The following MGAT4C variants were observed in gnomAD, a reference collection of about 807,000 sequenced individuals.
MGAT4C encodes MGAT4 family member C.
MGAT4C carries 19 observed loss-of-function variants against 40.1 expected under a neutral mutation model. That is an observed-to-expected ratio of 0.47 (90% CI 0.33 to 0.70). MGAT4C has a LOEUF of 0.70. Among genes scored for constraint, MGAT4C ranks in the 30% least tolerant of loss-of-function variants. The pLI is 0.02. For synonymous variants in MGAT4C, 181 were observed against 187.1 expected (o/e 0.97, Z 0.27); for missense variants, 491 against 563.2 (o/e 0.87, Z 1.30).
chr12:86,100,207 T>C (rs1874722111), intron 1 of MGAT4C, among the ~76,000 whole-genome samples: 1 of 151,488 alleles, frequency 6.6e-6, no homozygotes, highest in Non-Finnish European at 1.5e-5. Context: ...TTCAGGTTTA[T>C]TACTGTTACA....
chr12:86,624,030 C>T (rs1962721675), intron 2 of MGAT4C, among the ~76,000 whole-genome samples: 1 of 152,094 alleles, frequency 6.6e-6, no homozygotes, highest in East Asian at 1.9e-4. Context: ...CTACAAATGT[C>T]CCATTTATGA....
chr12:86,421,874 C>T (rs986366271), intron 3 of MGAT4C, among the ~76,000 whole-genome samples: 1 of 151,988 alleles, frequency 6.6e-6, no homozygotes, highest in Admixed American at 6.6e-5. Flanking sequence ...GGTATATGAT[C>T]AAGGAAATAA....
At chr12:86,749,290 CTCT>C (rs761441338) in intron 1 of MGAT4C, among the ~76,000 whole-genome samples, 2 of 151,458 alleles carry the variant, frequency 1.3e-5, no homozygotes, top group Non-Finnish European at 3.0e-5. Flanking sequence ...AATATGCAAC[CTCT>C]TGAGTACTTC....
At chr12:86,014,732 G>T (rs1457400811) in intron 2 of MGAT4C, among the ~76,000 whole-genome samples, 1 of 152,064 alleles carries the variant, frequency 6.6e-6, no homozygotes, top group Non-Finnish European at 1.5e-5. Flanking sequence ...CCTGGAATTT[G>T]CTGAGTTTTT....
At chr12:86,450,934 ATCTT>A (rs1239994788) in intron 2 of MGAT4C, among the ~76,000 whole-genome samples, 2 of 152,148 alleles carry the variant, frequency 1.3e-5, no homozygotes, top group Admixed American at 6.6e-5. Flanking sequence ...AGTATAAATC[ATCTT>A]TCTTCTACAT....
At chr12:86,736,253 A>G (rs1028469340) in intron 1 of MGAT4C, among the ~76,000 whole-genome samples, 2 of 151,780 alleles carry the variant, frequency 1.3e-5, no homozygotes, top group African/African-American at 4.8e-5. Flanking sequence ...AACAATTACT[A>G]TTATCCTAAC....
At chr12:86,191,332 T>C (rs1439149165) in intron 1 of MGAT4C, among the ~76,000 whole-genome samples, 2 of 151,994 alleles carry the variant, frequency 1.3e-5, no homozygotes, top group Non-Finnish European at 2.9e-5. Context: ...TGATGTTTTG[T>C]GGTGTGACGT....
rs562339948 is a variant in MGAT4C, at chr12:86,534,745, G to A, written c.-228-99480C>T. On this transcript the variant is annotated intron_variant, in intron 2 of 7. Coordinates refer to the MGAT4C transcript ENST00000548651. ...AATCTTACAAATTTACAATTCAATG[G>A]TTTTTGCTTCATAATAGATGTAATT... Among the ~76,000 whole-genome samples the A allele has an allele frequency of 9.2e-5, 14 of 152,080 alleles. No homozygotes were observed. The East Asian group carries it at 2.5e-3, about 27-fold the overall frequency.
chr12:86,138,352 G>A (rs1882277615), intron 1 of MGAT4C, among the ~76,000 whole-genome samples: 2 of 150,156 alleles, frequency 1.3e-5, no homozygotes, highest in Admixed American at 6.7e-5. Context: ...CTCAGGGTTA[G>A]ACAATATACC....
chr12:86,206,121 A>G (rs1950242116), intron 1 of MGAT4C, among the ~76,000 whole-genome samples: 3 of 152,246 alleles, frequency 2.0e-5, no homozygotes, highest in Non-Finnish European at 2.9e-5. Flanking sequence ...TTAATCCCCA[A>G]TGTGGCAGTA....
intron 3 of MGAT4C, among the ~76,000 whole-genome samples, chr12:86,430,140 T>C (rs945698393): frequency 6.6e-6 from 1 of 152,184 alleles, no homozygotes; most frequent in Non-Finnish European, 1.5e-5. Flanking sequence ...GTCTAACTTC[T>C]TGCAATTTTG....
intron 2 of MGAT4C, among the ~76,000 whole-genome samples, chr12:86,596,280 AAACTCAAGTT>A (rs1961535634): frequency 6.6e-6 from 1 of 152,192 alleles, no homozygotes; most frequent in Non-Finnish European, 1.5e-5. Context: ...ATCTGACATC[AAACTCAAGTT>A]AACCAAAGCC....
intron 1 of MGAT4C, among the ~76,000 whole-genome samples, chr12:86,086,138 C>T (rs1871788318): frequency 6.6e-6 from 1 of 152,202 alleles, no homozygotes; most frequent in Admixed American, 6.6e-5. Context: ...TTGGACCCAA[C>T]CCAAATGCCC....
At chr12:86,498,742 A>T (rs1302995182) in intron 2 of MGAT4C, among the ~76,000 whole-genome samples, 1 of 151,970 alleles carries the variant, frequency 6.6e-6, no homozygotes, top group African/African-American at 2.4e-5. Context: ...TTATCTCCAC[A>T]TGACCACTTT....
chr12:86,764,875 T>A (rs1382715756), intron 1 of MGAT4C, among the ~76,000 whole-genome samples: 1 of 151,900 alleles, frequency 6.6e-6, no homozygotes, highest in Non-Finnish European at 1.5e-5. Context: ...TACATCACCA[T>A]CATCAAAGAC....
At chr12:86,420,133 T>A (rs1414826001) in intron 3 of MGAT4C, among the ~76,000 whole-genome samples, 1 of 151,716 alleles carries the variant, frequency 6.6e-6, no homozygotes, top group Non-Finnish European at 1.5e-5. Flanking sequence ...ATCCCAGCAC[T>A]TTGGGAGGGT....
chr12:86,373,653 GTTT>G (rs57145324), intron 3 of MGAT4C, among the ~76,000 whole-genome samples: 6 of 144,134 alleles, frequency 4.2e-5, no homozygotes, highest in African/African-American at 1.5e-4. Context: ...AAAGAAAATA[GTTT>G]TTTTTTTTTT....
intron 2 of MGAT4C, among the ~76,000 whole-genome samples, chr12:86,041,042 G>A (rs549438908): frequency 2.0e-5 from 3 of 152,158 alleles, no homozygotes; most frequent in South Asian, 2.1e-4. Flanking sequence ...GAGATGAATC[G>A]GGTACCTTAG....
chr12:86,626,712 T>C (rs1962816620), intron 2 of MGAT4C, among the ~76,000 whole-genome samples: 1 of 152,228 alleles, frequency 6.6e-6, no homozygotes, highest in African/African-American at 2.4e-5. Flanking sequence ...AAATAAATGG[T>C]AATAGAATTA....
Sources: allele counts gnomAD v4.1 joint callset (sites outside exome capture counted in the v4.1 genomes callset), GRCh38; gene constraint gnomAD v4.1.1; transcripts MANE v1.5; gene names NCBI Gene and HGNC (gene_info 2026-07-23, HGNC 2026-07-21).